Variants in TRDN observed in about 807,000 individuals in gnomAD.
The protein encoded by TRDN is triadin in skeletal muscle.
TRDN carries 161 observed loss-of-function variants against 149.7 expected under a neutral mutation model. The ratio of observed to expected loss-of-function variants is 1.08; its 90% CI spans 0.95 to 1.23. TRDN has a LOEUF of 1.23. TRDN is among the 50% of genes most tolerant of loss of function. The probability of loss-of-function intolerance (pLI) is 0.00; values close to 1 mark genes in which losing one functional copy is unlikely to be tolerated. For missense variants in TRDN, 896 were observed against 823.5 expected, an observed-to-expected ratio of 1.09 and a Z score of -1.08; for synonymous variants, 294 against 250.5, an observed-to-expected ratio of 1.17 and a Z score of -1.64.
intron 9 of TRDN, among the ~76,000 whole-genome samples, chr6:123,496,011 T>G (rs1778428219): frequency 6.7e-6 from 1 of 148,624 alleles, no homozygotes; most frequent in South Asian, 2.1e-4. Flanking sequence ...GCTATGATAC[T>G]ATACACAAAC....
intron 14 of TRDN, among the ~76,000 whole-genome samples, chr6:123,383,898 G>A (rs117392780): frequency 0.075 from 11,417 of 152,126 alleles, 504 homozygotes; most frequent in Middle Eastern, 0.099. Flanking sequence ...ATCGATTCCT[G>A]AGACAAAACA....
intron 12 of TRDN, among the ~76,000 whole-genome samples, chr6:123,434,220 A>G (rs1329380751): frequency 6.6e-6 from 1 of 152,156 alleles, no homozygotes; most frequent in East Asian, 1.9e-4. Context: ...TGAAAGTATC[A>G]TTTTTATAGA....
intron 20 of TRDN, among the ~76,000 whole-genome samples, chr6:123,360,746 G>GGA (rs1490361769): frequency 7.7e-5 from 11 of 142,706 alleles, no homozygotes; most frequent in African/African-American, 1.8e-4. Context: ...AGAGAGACAG[G>GGA]GAGAGAGAGA....
Position 123,366,016 on chromosome 6 carries a change from C to G in TRDN, c.1321+119G>C, listed in dbSNP as rs1781086268. On this transcript the variant is annotated intron_variant, in intron 20 of 40. Transcript: ENST00000334268. The stretch of plus-strand genomic sequence containing the variant: ...GTGCAAAATAGGTTTGTTTCTATAT[C>G]AACGAACTAGTAAAATCAATAAATA... 3.6e-6 allele frequency: 3 copies of G among 834,992 alleles called. No individual in the cohort carries two copies. The South Asian group carries it at 5.7e-5, about 16-fold the overall frequency. 51.7% of individuals were successfully genotyped at this position (834,992 alleles called of 1,614,324 possible).
At chr6:123,295,649 T>C (rs1365852902) in intron 24 of TRDN, among the ~76,000 whole-genome samples, 1 of 152,162 alleles carries the variant, frequency 6.6e-6, no homozygotes, top group African/African-American at 2.4e-5. Context: ...AACATCACAT[T>C]GTACCTCATA....
intron 1 of TRDN, among the ~76,000 whole-genome samples, chr6:123,627,887 C>A (rs555588689): frequency 6.6e-6 from 1 of 152,312 alleles, no homozygotes; most frequent in South Asian, 2.1e-4. Context: ...CCTCTGCTAG[C>A]TTCCAACTTT....
intron 1 of TRDN, among the ~76,000 whole-genome samples, chr6:123,623,842 C>T (rs1337255823): frequency 6.6e-6 from 1 of 152,104 alleles, no homozygotes; most frequent in Non-Finnish European, 1.5e-5. Context: ...ATTAATATCT[C>T]ATCAGTTGAT....
At chr6:123,586,293 G>A (rs1005029820) in intron 1 of TRDN, among the ~76,000 whole-genome samples, 7 of 152,088 alleles carry the variant, frequency 4.6e-5, no homozygotes, top group African/African-American at 1.4e-4. Flanking sequence ...GGATTATAGG[G>A]TGGAGGACCG....
chr6:123,242,754 TGTAA>T (rs931177830), intron 38 of TRDN, among the ~76,000 whole-genome samples: 3 of 151,660 alleles, frequency 2.0e-5, no homozygotes, highest in Non-Finnish European at 2.9e-5. Context: ...ATGGGGAAAG[TGTAA>T]GTAAGTGTTT....
In TRDN at chr6:123,279,208, T is replaced by G. The variant is rs563954855; in HGVS notation, c.1511-126A>C. The G allele has an allele frequency of 1.2e-4, 92 of 743,484 alleles. No homozygotes were observed. In the African/African-American group the frequency reaches 1.5e-3, roughly 12 times the overall value. The allele number at this position is 743,484 out of a possible 1,614,324, so 46.1% of individuals were successfully genotyped here. A position where few individuals can be genotyped will look rare whatever the true frequency, so the allele number is the denominator to read the frequency against. ...CAATGTAGACCCCACCTATCCTTTT[T>G]TGTTGAAATTCTATAGAATGTGTAA... On this transcript the variant is annotated intron_variant, in intron 24 of 40. Transcript: ENST00000334268.
intron 1 of TRDN, among the ~76,000 whole-genome samples, chr6:123,584,972 G>T (rs1783373910): frequency 6.6e-6 from 1 of 152,042 alleles, no homozygotes. Context: ...GCTTTAAATG[G>T]CCATGCTGTA....
rs1301500052 is a variant in TRDN at position 123,388,528 on chromosome 6, T to A, written c.1129A>T (p.Lys377Ter). Residue 377 changes from lysine (K) to a stop codon, truncating the protein, a stop_gained, in exon 14 of 41, where the codon AAG becomes TAG. Transcript: ENST00000334268. LOFTEE classifies it high-confidence loss of function. ...AQAAAKKDEK[K>*]EDSKKTKKPA... ...GATTTTGCATAAAACATACCTTCCTTCTTTTCATCCTTCTTAGCTGCTGCT... is the reference window on the plus strand; with the variant it reads ...GATTTTGCATAAAACATACCTTCCTACTTTTCATCCTTCTTAGCTGCTGCT... 6.3e-7 allele frequency: 1 copy of A among 1,587,468 alleles called. No homozygotes were observed. The highest frequency in any genetic ancestry group is 1.3e-5 in the African/African-American group (1 of 74,796).
chr6:123,461,680 G>A (rs973110894), intron 10 of TRDN, among the ~76,000 whole-genome samples: 2 of 152,152 alleles, frequency 1.3e-5, no homozygotes, highest in Non-Finnish European at 2.9e-5. Context: ...AAGAGGGCGG[G>A]CAACATTGCC....
chr6:123,369,414 G>A (rs1404330466), intron 19 of TRDN, among the ~76,000 whole-genome samples: 1 of 151,952 alleles, frequency 6.6e-6, no homozygotes, highest in Non-Finnish European at 1.5e-5. Flanking sequence ...CACTATGTCT[G>A]CCAAAACACC....
At chr6:123,309,207 C>T (rs975844885) in intron 24 of TRDN, among the ~76,000 whole-genome samples, 1 of 151,888 alleles carries the variant, frequency 6.6e-6, no homozygotes, top group South Asian at 2.1e-4. Context: ...GTCTTCTAAG[C>T]CCCCATTCCT....
chr6:123,403,172 T>C (rs1403146887), intron 12 of TRDN, among the ~76,000 whole-genome samples: 1 of 152,164 alleles, frequency 6.6e-6, no homozygotes, highest in Non-Finnish European at 1.5e-5. Context: ...AATCCAAATG[T>C]TGATTTCAAC....
chr6:123,359,820 C>T (rs374105328), intron 20 of TRDN, among the ~76,000 whole-genome samples: 435 of 152,042 alleles, frequency 2.9e-3, no homozygotes, highest in Non-Finnish European at 3.3e-3. Context: ...CTCAGCCTCC[C>T]GAGTAGCTGG....
At chr6:123,265,284 G>A (rs1019622941) in intron 33 of TRDN, 34 bp downstream of exon 33, 3 of 1,382,852 alleles carry the variant, frequency 2.2e-6, no homozygotes, top group African/African-American at 3.0e-5. Flanking sequence ...CAATGAAATA[G>A]GACAATTTTA....
Position 123,335,526 on chromosome 6 carries a change from G to A in TRDN, c.1420+2093C>T, listed in dbSNP as rs527475225. On this transcript the variant is annotated intron_variant, in intron 22 of 40. Coordinates refer to ENST00000334268, the MANE Select transcript of TRDN (RefSeq NM_006073.4). ...TGCAACAATATTAGAAATTACAAAA[G>A]CCTACTTAATGAAGTGGTCAGTGTG... Among the ~76,000 whole-genome samples the A allele has an allele frequency of 7.9e-5, 12 of 151,886 alleles. No individual in the cohort carries two copies. The South Asian group carries it at 2.5e-3, about 32-fold the overall frequency.
Sources: gnomAD v4.1 joint callset for allele counts (sites outside exome capture counted in the v4.1 genomes callset) on GRCh38, gnomAD v4.1.1 for gene constraint, MANE v1.5 for transcripts, NCBI Gene and HGNC (gene_info 2026-07-23, HGNC 2026-07-21) for gene names.